The following CXCR4 variants were observed in gnomAD, a reference collection of about 807,000 sequenced individuals.
CXCR4 encodes the protein C-X-C motif chemokine receptor 4.
CXCR4 carries 6 observed loss-of-function variants against 22.4 expected under a neutral mutation model. The observed-to-expected ratio is 0.27, with a 90% CI of 0.15 to 0.53. CXCR4 has a LOEUF of 0.53. CXCR4 is among the 20% of genes least tolerant of loss of function. The pLI is 0.96. For missense variants in CXCR4, 300 were observed against 430.4 expected (o/e 0.70, Z 2.68); for synonymous variants, 155 against 171.7 (o/e 0.90, Z 0.76).
rs1240625960 is a variant in CXCR4, at chr2:136,114,934, C to T, written c.994G>A (p.Gly332Arg). Residue 332 changes from glycine (G) to arginine (R), a missense_variant, in exon 2 of 2, where the codon GGA becomes AGA. Physicochemically the swap from Gly to Arg is moderately radical, Grantham distance 125. Around this residue, in one of 3 missense-constraint regions of CXCR4, gnomAD observed 45 missense variants for 89.1 expected, o/e 0.51. Coordinates refer to ENST00000241393, the MANE Select transcript of CXCR4 (RefSeq NM_003467.3). ...ACAGATGAATGTCCACCTCGCTTTC[C>T]TTTGGAGAGGATCTTGAGGCTGGAC... is the stretch of plus-strand genomic sequence containing the variant. ...RGSSLKILSK[G>R]KRGGHSSVST... 3.1e-6 allele frequency: 5 copies of T among 1,613,032 alleles called. No individual in the cohort carries two copies. The highest frequency in any genetic ancestry group is 4.2e-6 in the Non-Finnish European group (5 of 1,179,432).
In CXCR4 at chr2:136,118,051, T is replaced by G; in HGVS notation, c.10A>C (p.Ile4Leu). ...CAGGTTGAAACTGGACTTACACTGA[T>G]CCCCTCCATGGTAACCGCTGGTTCT... MEG[I>L]SIYTSDNYTE... Residue 4 changes from isoleucine (I) to leucine (L), a missense_variant, in exon 1 of 2, where the codon ATC becomes CTC. Around this residue, in one of 3 missense-constraint regions of CXCR4, gnomAD observed 118 missense variants for 188.2 expected, o/e 0.63. Transcript: ENST00000241393. The G allele has an allele frequency of 6.2e-7, 1 of 1,613,738 alleles. No homozygotes were observed. Among genetic ancestry groups the G allele is most frequent in the Non-Finnish European group, 8.5e-7 (1 of 1,179,750 alleles).
Position 136,118,052 on chromosome 2 carries a change from C to A in CXCR4, c.9G>T (p.Gly3=). The change falls in exon 1 of 2, where the codon GGG becomes GGT. Residue 3 remains glycine (G), a synonymous_variant. Transcript: ENST00000241393. ME[G]ISIYTSDNYT... ...AGGTTGAAACTGGACTTACACTGAT[C>A]CCCTCCATGGTAACCGCTGGTTCTC... 1 of 1,613,818 alleles carries A rather than the reference C, an allele frequency of 6.2e-7. No individual in the cohort carries two copies. Among genetic ancestry groups the A allele is most frequent in the Non-Finnish European group, 8.5e-7 (1 of 1,179,768 alleles).
chr2:136,116,180 G>C, intron 1 of CXCR4: 1 of 1,366,664 alleles, frequency 7.3e-7, no homozygotes, highest in Non-Finnish European at 9.5e-7. Context: ...CTGAGACGCT[G>C]AGGGTTTCAA....
Position 136,114,367 on chromosome 2 carries a change from T to C in CXCR4, c.*502A>G. 1 of 214,346 alleles carries C rather than the reference T, an allele frequency of 4.7e-6. No homozygotes were observed. The highest frequency in any genetic ancestry group is 9.5e-6 in the Non-Finnish European group (1 of 105,812). The allele number at this position is 214,346 out of a possible 1,614,324, so 13.3% of individuals were successfully genotyped here. On this transcript the variant is annotated 3_prime_UTR_variant, in exon 2 of 2. Coordinates refer to ENST00000241393, the MANE Select transcript of CXCR4 (RefSeq NM_003467.3). ...CACTAAGTAAGTTTAACATGTACTT[T>C]TATTAACAACTTAATACAAGACTGT... is the stretch of plus-strand genomic sequence containing the variant.
At position 136,115,141 on chromosome 2, in the gene CXCR4, A is replaced by G. The variant is rs1684847775; in HGVS notation, c.787T>C (p.Ser263Pro). 3.1e-6 allele frequency: 5 copies of G among 1,614,080 alleles called. No individual in the cohort carries two copies. The highest frequency in any genetic ancestry group is 8.5e-7 in the Non-Finnish European group (1 of 1,180,046). The change falls in exon 2 of 2, where the codon TCC becomes CCC. Residue 263 changes from serine to proline, a missense_variant. Ser to Pro is a moderately conservative substitution (Grantham distance 74). This residue lies in a region of CXCR4 where 137 missense variants were observed against 153.2 expected (regional missense o/e 0.89). Coordinates refer to ENST00000241393, the MANE Select transcript of CXCR4 (RefSeq NM_003467.3). The surrounding 1 kb of genome is among the most constrained non-coding windows in gnomAD (Gnocchi z 6.4). ...TTGATGATTTCCAGGAGGATGAAGGAGTCGATGCTGATCCCAATGTAGTAA... is the reference window on the plus strand; with the variant it reads ...TTGATGATTTCCAGGAGGATGAAGGGGTCGATGCTGATCCCAATGTAGTAA... ...LPYYIGISID[S>P]FILLEIIKQG...
Position 136,115,953 on chromosome 2 carries a change from A to G in CXCR4, c.16-41T>C, listed in dbSNP as rs750322172. The stretch of plus-strand genomic sequence containing the variant: ...AGGAATGGACATTCACTTCCAATTC[A>G]GCAAGCATTAACCCAGTTAAAAAAA... On this transcript the variant is annotated intron_variant, in intron 1 of 1. Coordinates refer to ENST00000241393, the MANE Select transcript of CXCR4 (RefSeq NM_003467.3). The surrounding 1 kb of genome is among the most constrained non-coding windows in gnomAD (Gnocchi z 6.4). 3.1e-6 allele frequency: 5 copies of G among 1,614,148 alleles called. 1 individual carries two copies. In the South Asian group the frequency reaches 5.5e-5, roughly 18 times the overall value.
intron 1 of CXCR4, among the ~76,000 whole-genome samples, chr2:136,117,193 C>T (rs535230481): frequency 6.6e-6 from 1 of 152,130 alleles, no homozygotes; most frequent in Non-Finnish European, 1.5e-5. Context: ...CCCCTCACCC[C>T]GTACCCGCTC....
At position 136,118,145 on chromosome 2, in the gene CXCR4, A is replaced by T; in HGVS notation, c.-85T>A. On this transcript the variant is annotated 5_prime_UTR_variant, in exon 1 of 2. Transcript: ENST00000241393. ...TTTGCTACCTGCTGCCGCAGCCAAC[A>T]AACTGAAGTTTCTGGCCGCGGCCGG... 1 of 1,441,096 alleles carries T rather than the reference A, an allele frequency of 6.9e-7. No individual in the cohort carries two copies. The highest frequency in any genetic ancestry group is 1.2e-5 in the South Asian group (1 of 85,318). 89.3% of individuals were successfully genotyped at this position (1,441,096 alleles called of 1,614,324 possible). A position where few individuals can be genotyped will look rare whatever the true frequency, so the allele number is the denominator to read the frequency against.
In CXCR4 at chr2:136,115,819, T is replaced by C. The variant is rs757881953; in HGVS notation, c.109A>G (p.Asn37Asp). 6.2e-7 allele frequency: 1 copy of C among 1,614,218 alleles called. No homozygotes were observed. The highest frequency in any genetic ancestry group is 1.7e-5 in the Admixed American group (1 of 60,030). The change falls in exon 2 of 2, where the codon AAT becomes GAT. Residue 37 changes from asparagine (N) to aspartate (D), a missense_variant. By Grantham distance (23) the Asn-to-Asp change is conservative. Coordinates refer to ENST00000241393, the MANE Select transcript of CXCR4 (RefSeq NM_003467.3). The surrounding 1 kb of genome is among the most constrained non-coding windows in gnomAD (Gnocchi z 6.4). ...PCFREENANF[N>D]KIFLPTIYSI... Reference sequence around the variant, plus strand: ...TAGATGGTGGGCAGGAAGATTTTATTGAAATTAGCATTTTCTTCACGGAAA... The same window carrying C: ...TAGATGGTGGGCAGGAAGATTTTATCGAAATTAGCATTTTCTTCACGGAAA...
intron 1 of CXCR4, 195 bp downstream of exon 1, chr2:136,117,851 A>C: frequency 1.0e-5 from 5 of 499,958 alleles, no homozygotes; most frequent in East Asian, 3.8e-5. Flanking sequence ...CTCACAGAGA[A>C]AAAGATTCCA....
chr2:136,117,965 T>A, intron 1 of CXCR4, 81 bp downstream of exon 1: 1 of 1,379,038 alleles, frequency 7.3e-7, no homozygotes, highest in East Asian at 2.9e-5. Context: ...TCCTGGCCGC[T>A]TCTGCCCGCT....
In CXCR4 at chr2:136,116,181, A is replaced by G. The variant is rs1303238322; in HGVS notation, c.16-269T>C. 17 of 1,361,998 alleles carry G rather than the reference A, an allele frequency of 1.2e-5. No individual in the cohort carries two copies. The East Asian group carries it at 3.7e-4, about 30-fold the overall frequency. The allele number at this position is 1,361,998 out of a possible 1,614,324, so 84.4% of individuals were successfully genotyped here. A position where few individuals can be genotyped will look rare whatever the true frequency, so the allele number is the denominator to read the frequency against. ...AGAACAAAAGGGCACTGAGACGCTG[A>G]GGGTTTCAAAGTCACATCTTGGCTA... On this transcript the variant is annotated intron_variant, in intron 1 of 1. Transcript: ENST00000241393.
intron 1 of CXCR4, chr2:136,117,805 GCCACTGGAACGCTCTT>G (rs938975254): frequency 3.3e-5 from 17 of 519,970 alleles, no homozygotes; most frequent in Non-Finnish European, 6.8e-6. Flanking sequence ...GACACATGCA[GCCACTGGAACGCTCTT>G]TCCAGTCGTT....
Position 136,115,979 on chromosome 2 carries a change from AT to A in CXCR4, c.16-68del, listed in dbSNP as rs771373388. Reference sequence around the variant, plus strand: ...GCAAGCATTAACCCAGTTAAAAAAAATTTTTAAAGCAATTTAAAAAACCAAT... The same window carrying A: ...GCAAGCATTAACCCAGTTAAAAAAAATTTTAAAGCAATTTAAAAAACCAAT... On this transcript the variant is annotated intron_variant, in intron 1 of 1. Transcript: ENST00000241393. The surrounding 1 kb of genome is among the most constrained non-coding windows in gnomAD (Gnocchi z 6.4). 1 of 1,611,838 alleles carries A rather than the reference AT, an allele frequency of 6.2e-7. No individual in the cohort carries two copies. The highest frequency in any genetic ancestry group is 2.2e-5 in the East Asian group (1 of 44,878).
intron 1 of CXCR4, 106 bp from the exon 2 acceptor site, chr2:136,116,018 T>G (rs916256092): frequency 5.0e-6 from 8 of 1,587,792 alleles, no homozygotes; most frequent in South Asian, 3.4e-5. Context: ...AGGCTTGCTT[T>G]CTTCAGGAAA....
chr2:136,117,201 C>G (rs1684921726), intron 1 of CXCR4, among the ~76,000 whole-genome samples: 1 of 152,168 alleles, frequency 6.6e-6, no homozygotes, highest in Admixed American at 6.5e-5. Flanking sequence ...CCCGTACCCG[C>G]TCCTATCCCC....
chr2:136,117,664 CT>C (rs1684950881), intron 1 of CXCR4: 1 of 200,110 alleles, frequency 5.0e-6, no homozygotes, highest in Admixed American at 6.1e-5. Flanking sequence ...GACATCCCCG[CT>C]TCCCCAAGGA....
At chr2:136,117,941 G>T in intron 1 of CXCR4, 105 bp downstream of exon 1, 1 of 953,192 alleles carries the variant, frequency 1.0e-6, no homozygotes. Context: ...TTTGGAGTAC[G>T]GGTACCTCCA....
At chr2:136,117,728 T>C (rs1038926201) in intron 1 of CXCR4, 4 of 339,594 alleles carry the variant, frequency 1.2e-5, no homozygotes, top group African/African-American at 8.7e-5. Context: ...TCTGCACTTG[T>C]GCACAGAATG....
Sources: gnomAD v4.1 joint callset for allele counts (sites outside exome capture counted in the v4.1 genomes callset) on GRCh38, gnomAD v4.1.1 for gene constraint, gnomAD v4.1.1 regional missense constraint, Gnocchi (gnomAD v3.1) non-coding constraint, MANE v1.5 for transcripts, NCBI Gene and HGNC (gene_info 2026-07-23, HGNC 2026-07-21) for gene names.